Variants in STK10 observed in about 807,000 individuals in gnomAD.
STK10 encodes serine/threonine kinase 10.
STK10 carries 78 observed loss-of-function variants against 113.8 expected under a neutral mutation model. The observed-to-expected ratio is 0.69, with a 90% CI of 0.57 to 0.83. The LOEUF is 0.83. Among genes scored for constraint, STK10 ranks in the 40% least tolerant of loss-of-function variants. The pLI is 0.00. For synonymous variants in STK10, 465 were observed against 494.7 expected (o/e 0.94, Z 0.80); for missense variants, 1,109 against 1,280.1 (o/e 0.87, Z 2.04).
chr5:172,171,730 T>TGAATAGAATA (rs11273930), intron 1 of STK10, among the ~76,000 whole-genome samples: 2,551 of 149,104 alleles, frequency 0.017, 88 homozygotes, highest in African/African-American at 0.058. Flanking sequence ...TAAAATAAAA[T>TGAATAGAATA]GAATAGAATA....
At position 172,117,476 on chromosome 5, in the gene STK10, CT is replaced by C; in HGVS notation, c.520+4del. 6.2e-7 allele frequency: 1 copy of C among 1,610,440 alleles called. No homozygotes were observed. On this transcript the variant is annotated splice_donor_region_variant and intron_variant, in intron 4 of 18. Transcript: ENST00000176763. The stretch of plus-strand genomic sequence containing the variant: ...GCTCCACCTTTCCCACCCTGAGCCC[CT>C]TACCCAGCCTGATGTCTCCCTCGAG...
intron 1 of STK10, among the ~76,000 whole-genome samples, chr5:172,181,444 G>A (rs1006154897): frequency 1.3e-5 from 2 of 151,558 alleles, no homozygotes; most frequent in African/African-American, 2.4e-5. Context: ...TACGTAAAGC[G>A]CCTAGCACAG....
chr5:172,110,233 C>A (rs1235802568), intron 4 of STK10, among the ~76,000 whole-genome samples: 1 of 152,186 alleles, frequency 6.6e-6, no homozygotes, highest in Non-Finnish European at 1.5e-5. Flanking sequence ...AGGACCGGGG[C>A]TACTCAAGAG....
rs1458285354 is a variant in STK10, at chr5:172,093,084, G to T, written c.1554+328C>A. On this transcript the variant is annotated intron_variant, in intron 9 of 18. Transcript: ENST00000176763. The surrounding 1 kb of genome is among the most constrained non-coding windows in gnomAD (Gnocchi z 4.1). ...GGCTTTGAGCTGTTTCCTTTAGTTG[G>T]ATTTACCAGTTATCAGCTGGGTCTC... Among the ~76,000 whole-genome samples, 1 of 152,212 alleles carries T rather than the reference G, an allele frequency of 6.6e-6. No homozygotes were observed. The highest frequency in any genetic ancestry group is 2.4e-5 in the African/African-American group (1 of 41,450).
At chr5:172,135,415 G>A (rs768732853) in intron 2 of STK10, among the ~76,000 whole-genome samples, 1 of 152,126 alleles carries the variant, frequency 6.6e-6, no homozygotes, top group Non-Finnish European at 1.5e-5. Flanking sequence ...AGGAGGCTGA[G>A]ACAAAAGAAT....
chr5:172,071,079 A>G (rs1397285377), intron 12 of STK10, among the ~76,000 whole-genome samples: 3 of 151,468 alleles, frequency 2.0e-5, no homozygotes, highest in African/African-American at 7.3e-5. Context: ...GTGTGGTGGC[A>G]CGCACCTGTA....
At chr5:172,165,808 T>G (rs1301133817) in intron 1 of STK10, among the ~76,000 whole-genome samples, 2 of 137,566 alleles carry the variant, frequency 1.5e-5, no homozygotes, top group African/African-American at 2.8e-5. Context: ...TTTTTTTTTT[T>G]TGAGACGGAG....
intron 18 of STK10, among the ~76,000 whole-genome samples, chr5:172,046,197 T>C (rs1767489905): frequency 6.6e-6 from 1 of 151,226 alleles, no homozygotes; most frequent in South Asian, 2.1e-4. Context: ...CCATCTCTAC[T>C]AAAAACACAA....
chr5:172,127,344 G>A (rs777884237), intron 3 of STK10, 29 bp downstream of exon 3: 13 of 1,613,174 alleles, frequency 8.1e-6, no homozygotes, highest in Middle Eastern at 3.3e-4. Context: ...GTCTGGTCCC[G>A]ACAATGCACC....
At position 172,120,766 on chromosome 5, in the gene STK10, T is replaced by C. The variant is rs1173882881; in HGVS notation, c.371-3136A>G. Among the ~76,000 whole-genome samples, 2 of 152,224 alleles carry C rather than the reference T, an allele frequency of 1.3e-5. No individual in the cohort carries two copies. Among genetic ancestry groups the C allele is most frequent in the African/African-American group, 4.8e-5 (2 of 41,462 alleles). On this transcript the variant is annotated intron_variant, in intron 3 of 18. Transcript: ENST00000176763. The surrounding 1 kb of genome is among the most constrained non-coding windows in gnomAD (Gnocchi z 4.0). ...CTAAGATGAGTCCAGGGCTGGAATA[T>C]GTGCCGCAATCTTTTTAATGGCAAA...
chr5:172,063,337 T>C (rs1385754179), intron 13 of STK10: 2 of 152,196 alleles, frequency 1.3e-5, no homozygotes, highest in African/African-American at 2.4e-5. Flanking sequence ...CTATCACATG[T>C]GTTTGAATGG....
intron 16 of STK10, 97 bp from the exon 17 acceptor site, chr5:172,054,791 G>C (rs940801493): frequency 4.5e-6 from 7 of 1,542,252 alleles, no homozygotes. Flanking sequence ...CCCCTCAGGG[G>C]GACTGGTCTG....
intron 3 of STK10, among the ~76,000 whole-genome samples, chr5:172,121,662 C>T (rs921057733): frequency 2.6e-5 from 4 of 151,886 alleles, no homozygotes; most frequent in Admixed American, 1.3e-4. Flanking sequence ...CAAAATTAGC[C>T]GGGTGTGGTT....
intron 1 of STK10, among the ~76,000 whole-genome samples, chr5:172,186,899 A>G (rs1770962780): frequency 6.6e-6 from 1 of 152,130 alleles, no homozygotes; most frequent in South Asian, 2.1e-4. Flanking sequence ...GTCCAGCCTC[A>G]TAGAACGGCA....
chr5:172,109,065 G>A (rs1188850040), intron 4 of STK10, among the ~76,000 whole-genome samples: 5 of 152,136 alleles, frequency 3.3e-5, no homozygotes, highest in Non-Finnish European at 5.9e-5. Context: ...GATTATAGGC[G>A]TGAGCCACTG....
At chr5:172,181,233 C>T (rs550501569) in intron 1 of STK10, among the ~76,000 whole-genome samples, 17 of 152,274 alleles carry the variant, frequency 1.1e-4, no homozygotes, top group African/African-American at 2.6e-4. Flanking sequence ...GCAGCATGTG[C>T]GTATTTCTTC....
At chr5:172,118,407 G>C (rs1224845412) in intron 3 of STK10, among the ~76,000 whole-genome samples, 1 of 152,202 alleles carries the variant, frequency 6.6e-6, no homozygotes, top group East Asian at 1.9e-4. Context: ...AACAGAGTGA[G>C]GTGCAGGCAT....
chr5:172,112,999 C>T lies in STK10; in HGVS notation c.520+4482G>A, dbSNP rs149940147. On this transcript the variant is annotated intron_variant, in intron 4 of 18. Coordinates refer to ENST00000176763, the MANE Select transcript of STK10 (RefSeq NM_005990.4). ...CCGACCTCAGGTGATCCACCTGCCT[C>T]GGCCTCCCAAAGTGCTAGGATTACA... Among the ~76,000 whole-genome samples the T allele has an allele frequency of 3.7e-3, 564 of 152,296 alleles. 1 individual carries two copies. Among genetic ancestry groups the T allele is most frequent in the African/African-American group, 0.013 (546 of 41,566 alleles).
At chr5:172,048,622 T>C (rs575669724) in intron 18 of STK10, among the ~76,000 whole-genome samples, 29 of 110,200 alleles carry the variant, frequency 2.6e-4, no homozygotes, top group Middle Eastern at 8.3e-3. Context: ...CCATCCTAGT[T>C]CAAGATACCA....
Sources: allele counts gnomAD v4.1 joint callset (sites outside exome capture counted in the v4.1 genomes callset), GRCh38; gene constraint gnomAD v4.1.1; non-coding constraint Gnocchi (gnomAD v3.1); transcripts MANE v1.5; gene names NCBI Gene and HGNC (gene_info 2026-07-23, HGNC 2026-07-21).